The following CDH17 variants were observed in gnomAD, a reference collection of about 807,000 sequenced individuals.
CDH17 encodes cadherin 17, also known as cadherin-17.
A neutral mutation model predicts 86.3 loss-of-function variants in CDH17; 67 were observed. The ratio of observed to expected loss-of-function variants is 0.78; its 90% confidence interval spans 0.64 to 0.95. The LOEUF is 0.95. Ranked by LOEUF, CDH17 falls within the 40% of genes least tolerant of loss-of-function variation. The pLI is 0.00. For missense variants in CDH17, 993 were observed against 1,017.6 expected (o/e 0.98, Z 0.33); for synonymous variants, 367 against 366.4 (o/e 1.00, Z -0.02).
chr8:94,173,667 A>G, intron 7 of CDH17, 130 bp downstream of exon 7: 1 of 740,010 alleles, frequency 1.4e-6, no homozygotes, highest in Non-Finnish European at 2.3e-6. Flanking sequence ...AGGCTATATA[A>G]TTTGCTTTAT....
At chr8:94,145,790 A>T in intron 15 of CDH17, 138 bp downstream of exon 15, 1 of 947,080 alleles carries the variant, frequency 1.1e-6, no homozygotes, top group Non-Finnish European at 1.6e-6. Flanking sequence ...CCTTCCCTGT[A>T]CAAGCTTCCA....
At chr8:94,163,097 A>G (rs568766069) in intron 10 of CDH17, among the ~76,000 whole-genome samples, 1 of 152,344 alleles carries the variant, frequency 6.6e-6, no homozygotes, top group Admixed American at 6.5e-5. Context: ...AGCGGCCTCT[A>G]TATAGCAGCA....
chr8:94,161,743 T>G (rs766395390), intron 11 of CDH17, among the ~76,000 whole-genome samples: 3 of 152,336 alleles, frequency 2.0e-5, no homozygotes, highest in Admixed American at 6.5e-5. Context: ...GTAAATCTAT[T>G]TATTGTCCTA....
intron 14 of CDH17, among the ~76,000 whole-genome samples, chr8:94,147,634 G>A (rs563832609): frequency 1.6e-3 from 243 of 152,304 alleles, no homozygotes; most frequent in Non-Finnish European, 2.0e-3. Context: ...TTGTATGTCT[G>A]AAAATTCCAT....
At chr8:94,147,252 C>T (rs1045600704) in intron 14 of CDH17, among the ~76,000 whole-genome samples, 2 of 152,122 alleles carry the variant, frequency 1.3e-5, no homozygotes, top group African/African-American at 4.8e-5. Context: ...TAAATGTATA[C>T]AATGTGATAG....
rs572317705 is a variant in CDH17 at position 94,132,183 on chromosome 8, G to A, written c.2168-1191C>T. 6.6e-4 allele frequency among the ~76,000 whole-genome samples: 100 copies of A among 152,284 alleles called. 2 individuals are homozygous for A. The South Asian group carries it at 0.02, about 30-fold the overall frequency. On this transcript the variant is annotated intron_variant, in intron 15 of 17. Coordinates refer to ENST00000027335, the MANE Select transcript of CDH17 (RefSeq NM_004063.4). The stretch of plus-strand genomic sequence containing the variant: ...AGTAGCATGGTTTATAATCCTTTGG[G>A]TATATACCCAGTAATGGAATTGCTG...
intron 3 of CDH17, among the ~76,000 whole-genome samples, chr8:94,179,061 A>AC (rs1554588749): frequency 1.0e-3 from 157 of 151,522 alleles, no homozygotes; most frequent in African/African-American, 3.7e-3. Context: ...AAAAAAAAAA[A>AC]AACTAAGGTT....
At chr8:94,200,912 G>A (rs1233657860) in intron 1 of CDH17, among the ~76,000 whole-genome samples, 1 of 152,162 alleles carries the variant, frequency 6.6e-6, no homozygotes, top group Non-Finnish European at 1.5e-5. Context: ...TGGAGCAGAT[G>A]CTATTATAAT....
chr8:94,186,739 T>G (rs73695145), intron 3 of CDH17, among the ~76,000 whole-genome samples: 67 of 152,348 alleles, frequency 4.4e-4, no homozygotes, highest in African/African-American at 1.6e-3. Flanking sequence ...CTAGGCTCGC[T>G]CCCTTGCAGC....
At chr8:94,177,442 C>T (rs150778865) in intron 4 of CDH17, 145 bp downstream of exon 4, 19 of 817,664 alleles carry the variant, frequency 2.3e-5, no homozygotes, top group African/African-American at 1.7e-4. Flanking sequence ...AAGAAATGGA[C>T]ATGTGAGGAT....
chr8:94,129,280 T>A (rs1272217814), intron 17 of CDH17, among the ~76,000 whole-genome samples: 1 of 152,188 alleles, frequency 6.6e-6, no homozygotes, highest in Non-Finnish European at 1.5e-5. Flanking sequence ...AAGGGACCTA[T>A]GTAAGTGAGT....
intron 15 of CDH17, among the ~76,000 whole-genome samples, chr8:94,139,032 G>A (rs1229225034): frequency 2.6e-5 from 4 of 152,036 alleles, no homozygotes; most frequent in Admixed American, 1.3e-4. Flanking sequence ...ATCAATTGAC[G>A]CCTACCCAGA....
At chr8:94,178,129 G>A (rs1813409740) in intron 3 of CDH17, among the ~76,000 whole-genome samples, 2 of 152,110 alleles carry the variant, frequency 1.3e-5, no homozygotes, top group African/African-American at 4.8e-5. Context: ...TTAATGTTAA[G>A]GAAAAGAATT....
At position 94,146,052 on chromosome 8, in the gene CDH17, A is replaced by C; in HGVS notation, c.2043T>G (p.Ser681Arg). ...CCTCGAAAATGAGACTTCCAGGTGC[A>C]CTGAGGGGATGGCAGAAGAACAAGC... ...YTGLFFCHPLSAPGSLIFEAT... is the reference protein window; with the variant it reads ...YTGLFFCHPLRAPGSLIFEAT... Residue 681 changes from serine (S) to arginine (R), a missense_variant, in exon 15 of 18, where the codon AGT becomes AGG. Physicochemically the swap from Ser to Arg is moderately radical, Grantham distance 110 (BLOSUM62 -1). Transcript: ENST00000027335. 6.2e-7 allele frequency: 1 copy of C among 1,613,900 alleles called. No homozygotes were observed.
intron 15 of CDH17, among the ~76,000 whole-genome samples, chr8:94,141,113 T>C (rs1249276153): frequency 6.6e-6 from 1 of 152,090 alleles, no homozygotes; most frequent in Non-Finnish European, 1.5e-5. Flanking sequence ...TGGTAATATT[T>C]CATCACTAAG....
At chr8:94,162,902 T>A (rs1456939887) in intron 10 of CDH17, among the ~76,000 whole-genome samples, 1 of 152,218 alleles carries the variant, frequency 6.6e-6, no homozygotes, top group Middle Eastern at 3.2e-3. Context: ...AGGTTCTTTG[T>A]TGGGTTGCTG....
intron 9 of CDH17, among the ~76,000 whole-genome samples, chr8:94,167,400 GAC>G (rs1395032553): frequency 1.3e-5 from 2 of 152,122 alleles, no homozygotes; most frequent in Non-Finnish European, 2.9e-5. Context: ...CCCATCAGCT[GAC>G]ACAGTTTGCA....
rs752217184 is a variant in CDH17, at chr8:94,170,822, T to C, written c.915+32A>G. The stretch of plus-strand genomic sequence containing the variant: ...TGTAGATGGGCATAGGACTTTGTCT[T>C]GTCGCCTGTGAAACTCTTCTCTTTT... On this transcript the variant is annotated intron_variant, in intron 8 of 17. Transcript: ENST00000027335. The C allele has an allele frequency of 2.5e-6, 4 of 1,608,004 alleles. No homozygotes were observed. In the South Asian group the frequency reaches 4.5e-5, roughly 18 times the overall value.
chr8:94,181,979 G>T (rs1013993983), intron 3 of CDH17, among the ~76,000 whole-genome samples: 2 of 152,018 alleles, frequency 1.3e-5, no homozygotes, highest in African/African-American at 2.4e-5. Context: ...GAAACAAAAA[G>T]TATTAAAGAG....
Sources: gnomAD v4.1 joint callset for allele counts (sites outside exome capture counted in the v4.1 genomes callset) on GRCh38, gnomAD v4.1.1 for gene constraint, MANE v1.5 for transcripts, NCBI Gene and HGNC (gene_info 2026-07-23, HGNC 2026-07-21) for gene names.